CEP162: variants seen among roughly 807,000 people sequenced by gnomAD.
CEP162 encodes centrosomal protein 162, also known as centrosomal protein of 162 kDa.
In CEP162, 141 loss-of-function variants were observed where a neutral mutation model predicts 169.2. The ratio of observed to expected loss-of-function variants is 0.83; its 90% CI spans 0.73 to 0.96. CEP162 has a LOEUF of 0.96. Ranked by LOEUF, CEP162 falls within the 40% of genes least tolerant of loss-of-function variation. CEP162 has a pLI of 0.00. For missense variants in CEP162, 1,600 were observed against 1,587.2 expected (o/e 1.01, Z -0.14); for synonymous variants, 540 against 526.4 (o/e 1.03, Z -0.35).
At chr6:84,189,036 A>C (rs2099538500) in intron 11 of CEP162, among the ~76,000 whole-genome samples, 1 of 151,794 alleles carries the variant, frequency 6.6e-6, no homozygotes, top group Admixed American at 6.6e-5. Flanking sequence ...CTTTTGAAAA[A>C]TGTCTGTTCA....
At chr6:84,209,680 T>C (rs988728327) in intron 6 of CEP162, among the ~76,000 whole-genome samples, 3 of 152,162 alleles carry the variant, frequency 2.0e-5, no homozygotes, top group Non-Finnish European at 4.4e-5. Flanking sequence ...CGGCCTATTA[T>C]AGCTACTGCT....
At chr6:84,168,014 T>A (rs1020123886) in intron 18 of CEP162, among the ~76,000 whole-genome samples, 1 of 152,178 alleles carries the variant, frequency 6.6e-6, no homozygotes, top group Non-Finnish European at 1.5e-5. Flanking sequence ...CTTGAGAGCA[T>A]GGTTATCCAT....
At chr6:84,135,282 CTG>C (rs921493123) in intron 25 of CEP162, among the ~76,000 whole-genome samples, 8 of 152,226 alleles carry the variant, frequency 5.3e-5, no homozygotes, top group African/African-American at 1.9e-4. Context: ...ATGAATAAAA[CTG>C]TTATCTTTTT....
intron 13 of CEP162, among the ~76,000 whole-genome samples, chr6:84,177,744 C>A (rs548442935): frequency 2.0e-5 from 3 of 152,214 alleles, no homozygotes; most frequent in African/African-American, 7.2e-5. Context: ...ACCATGTTGG[C>A]CAGGCTGGTC....
chr6:84,197,791 T>C (rs2099542763), intron 9 of CEP162, among the ~76,000 whole-genome samples: 1 of 138,780 alleles, frequency 7.2e-6, no homozygotes, highest in Non-Finnish European at 1.5e-5. Flanking sequence ...CATTCCAGCC[T>C]GGGTGACAGA....
At chr6:84,165,078 G>A in intron 18 of CEP162, among the ~76,000 whole-genome samples, 1 of 151,574 alleles carries the variant, frequency 6.6e-6, no homozygotes, top group East Asian at 2.0e-4. Context: ...TGTCTCTTCT[G>A]CTTGCAGTGC....
intron 12 of CEP162, 110 bp downstream of exon 12, chr6:84,186,222 A>T: frequency 1.1e-5 from 7 of 635,524 alleles, no homozygotes; most frequent in Non-Finnish European, 1.9e-5. Flanking sequence ...GGAGGTTAGT[A>T]TATAATCAAT....
chr6:84,208,168 C>G (rs1562085783), intron 6 of CEP162, among the ~76,000 whole-genome samples: 1 of 152,012 alleles, frequency 6.6e-6, no homozygotes, highest in Non-Finnish European at 1.5e-5. Flanking sequence ...TTATCTGAAG[C>G]CTCCAAATTA....
At chr6:84,173,829 G>A (rs958365396) in intron 16 of CEP162, among the ~76,000 whole-genome samples, 4 of 151,714 alleles carry the variant, frequency 2.6e-5, no homozygotes, top group Admixed American at 2.6e-4. Flanking sequence ...GATGACAGGT[G>A]TGCGCCACCA....
chr6:84,125,218 C>G lies in CEP162; in HGVS notation c.4064G>C (p.Trp1355Ser). Residue 1355 changes from tryptophan (W) to serine (S), a missense_variant, in exon 27 of 27, where the codon TGG becomes TCG. Coordinates refer to ENST00000403245, the MANE Select transcript of CEP162 (RefSeq NM_014895.4). ...ATTCTTTAACTGTGCCAGTCTTTTC[C>G]ATTTTTCAACTTCTTTGTTTTGCTC... The part of the protein sequence containing the change: ...ETEQNKEVEK[W>S]KRLAQLKNRE... The G allele has an allele frequency of 6.2e-7, 1 of 1,613,594 alleles. No homozygotes were observed. Among genetic ancestry groups the G allele is most frequent in the Non-Finnish European group, 8.5e-7 (1 of 1,179,670 alleles).
intron 9 of CEP162, among the ~76,000 whole-genome samples, chr6:84,199,947 G>A (rs1047784970): frequency 6.6e-6 from 1 of 152,132 alleles, no homozygotes; most frequent in African/African-American, 2.4e-5. Flanking sequence ...CTATGAGAGA[G>A]TTCTACATAA....
At chr6:84,192,588 T>G (rs1025924749) in intron 11 of CEP162, among the ~76,000 whole-genome samples, 2 of 152,218 alleles carry the variant, frequency 1.3e-5, no homozygotes, top group African/African-American at 2.4e-5. Flanking sequence ...GGCCAGGAGA[T>G]CACCACATGT....
At chr6:84,159,856 A>T (rs2099525033) in intron 21 of CEP162, among the ~76,000 whole-genome samples, 1 of 151,956 alleles carries the variant, frequency 6.6e-6, no homozygotes, top group Admixed American at 6.6e-5. Flanking sequence ...TGCTGGGATT[A>T]CAGGCGTGAG....
chr6:84,200,694 A>T, intron 9 of CEP162, 95 bp downstream of exon 9: 1 of 485,986 alleles, frequency 2.1e-6, no homozygotes. Context: ...CATTATCAAT[A>T]TAGTTATTAT....
intron 5 of CEP162, among the ~76,000 whole-genome samples, chr6:84,213,292 G>A (rs566004751): frequency 6.6e-6 from 1 of 152,200 alleles, no homozygotes; most frequent in South Asian, 2.1e-4. Flanking sequence ...TTATTACTAT[G>A]TGCATTTACA....
At chr6:84,211,824 A>G (rs148800064) in intron 6 of CEP162, among the ~76,000 whole-genome samples, 2 of 151,604 alleles carry the variant, frequency 1.3e-5, no homozygotes, top group Non-Finnish European at 2.9e-5. Context: ...CCATAGATCA[A>G]TGATGCTCAA....
At chr6:84,213,847 T>C (rs774568810) in intron 5 of CEP162, among the ~76,000 whole-genome samples, 2 of 152,186 alleles carry the variant, frequency 1.3e-5, no homozygotes, top group Admixed American at 6.5e-5. Context: ...GGAGAGGCAA[T>C]GACCATAGGC....
chr6:84,207,467 A>T (rs2099547646), intron 6 of CEP162, among the ~76,000 whole-genome samples: 1 of 151,274 alleles, frequency 6.6e-6, no homozygotes, highest in Non-Finnish European at 1.5e-5. Flanking sequence ...TGTCGCAAGG[A>T]CAGAAAACGA....
chr6:84,226,256 T>G (rs2099555701), intron 2 of CEP162, 81 bp downstream of exon 2: 6 of 931,646 alleles, frequency 6.4e-6, no homozygotes. Flanking sequence ...ATGGACTAAC[T>G]GTATCTTCGA....
Sources: allele counts gnomAD v4.1 joint callset (sites outside exome capture counted in the v4.1 genomes callset), GRCh38; gene constraint gnomAD v4.1.1; transcripts MANE v1.5; gene names NCBI Gene and HGNC (gene_info 2026-07-23, HGNC 2026-07-21).